The following MAP2K1 variants were observed in gnomAD, a reference collection of about 807,000 sequenced individuals.
MAP2K1 encodes the protein dual specificity mitogen-activated protein kinase kinase 1.
MAP2K1 carries 16 observed loss-of-function variants against 46.3 expected under a neutral mutation model. The ratio of observed to expected loss-of-function variants is 0.35; its 90% confidence interval spans 0.23 to 0.52. The LOEUF (loss-of-function observed/expected upper bound fraction) is 0.52. Ranked by LOEUF, MAP2K1 falls within the 20% of genes least tolerant of loss-of-function variation. The probability of loss-of-function intolerance (pLI) is 0.94; values close to 1 mark genes in which losing one functional copy is unlikely to be tolerated. For missense variants in MAP2K1, 263 were observed against 497.1 expected (o/e 0.53, Z 4.48); for synonymous variants, 183 against 185.6 (o/e 0.99, Z 0.11).
intron 5 of MAP2K1, chr15:66,453,403 C>T (rs904828528): frequency 1.5e-6 from 1 of 689,490 alleles, no homozygotes; most frequent in African/African-American, 1.8e-5. Flanking sequence ...AGAAGGACTT[C>T]TGTGTGGGCT....
chr15:66,391,057 C>CT lies in MAP2K1; in HGVS notation c.80+3646dup, dbSNP rs34264456. On this transcript the variant is annotated intron_variant, in intron 1 of 10. Coordinates refer to ENST00000307102, the MANE Select transcript of MAP2K1 (RefSeq NM_002755.4). ...CTTTGTCATGTCACCTGAGCTGCTG[C>CT]TTTTTTTTTTTTTTTTGGTATGGGG... Among the ~76,000 whole-genome samples, 76 of 135,566 alleles carry CT rather than the reference C, an allele frequency of 5.6e-4. 1 individual carries two copies. The highest frequency in any genetic ancestry group is 1.5e-3 in the South Asian group (6 of 4,136). 88.9% of individuals were successfully genotyped at this position (135,566 alleles called of 152,430 possible).
chr15:66,489,568 G>A, intron 9 of MAP2K1, 150 bp from the exon 10 acceptor site: 1 of 770,942 alleles, frequency 1.3e-6, no homozygotes, highest in Non-Finnish European at 2.4e-6. Flanking sequence ...AACTTACTGT[G>A]GGCATGATAC....
At chr15:66,407,174 T>C (rs2093399623) in intron 1 of MAP2K1, among the ~76,000 whole-genome samples, 1 of 152,014 alleles carries the variant, frequency 6.6e-6, no homozygotes, top group African/African-American at 2.4e-5. Context: ...GGAATAGGCT[T>C]CTGAGAGTTT....
intron 5 of MAP2K1, among the ~76,000 whole-genome samples, chr15:66,469,006 T>C (rs1463530430): frequency 7.6e-6 from 1 of 131,210 alleles, no homozygotes; most frequent in Middle Eastern, 5.2e-3. Context: ...GCCTGTAACC[T>C]CAGCACTTTG....
At chr15:66,489,591 A>C in intron 9 of MAP2K1, 127 bp from the exon 10 acceptor site, 1 of 815,040 alleles carries the variant, frequency 1.2e-6, no homozygotes, top group Non-Finnish European at 2.2e-6. Context: ...TGCTTAGAAC[A>C]GGAGGATGAA....
Position 66,424,111 on chromosome 15 carries a change from G to T in MAP2K1, c.81-10916G>T, listed in dbSNP as rs116339995. 3.7e-3 allele frequency among the ~76,000 whole-genome samples: 550 copies of T among 150,654 alleles called. 2 individuals are homozygous for T. Among genetic ancestry groups the T allele is most frequent in the African/African-American group, 0.013 (526 of 41,030 alleles). ...TTTCTTTTGTTGCCCATGCTGGAGT[G>T]CAATGGTACTGTCTTGGCTCACTGC... On this transcript the variant is annotated intron_variant, in intron 1 of 10. Coordinates refer to ENST00000307102, the MANE Select transcript of MAP2K1 (RefSeq NM_002755.4).
At position 66,392,554 on chromosome 15, in the gene MAP2K1, C is replaced by CTT. The variant is rs71287024; in HGVS notation, c.80+5142_80+5143dup. Among the ~76,000 whole-genome samples, 357 of 129,036 alleles carry CTT rather than the reference C, an allele frequency of 2.8e-3. 3 individuals are homozygous for CTT. Among genetic ancestry groups the CTT allele is most frequent in the Non-Finnish European group, 2.9e-3 (176 of 60,372 alleles). The allele number at this position is 129,036 out of a possible 152,430, so 84.7% of individuals were successfully genotyped here. The stretch of plus-strand genomic sequence containing the variant: ...TTTCTTCTTTGTTTTCTTTTCTTTT[C>CTT]TTTTTTTTTTTTTTTTGAGATGGAG... On this transcript the variant is annotated intron_variant, in intron 1 of 10. Transcript: ENST00000307102.
intron 3 of MAP2K1, among the ~76,000 whole-genome samples, chr15:66,442,079 C>CA (rs2093505558): frequency 6.6e-6 from 1 of 152,196 alleles, no homozygotes; most frequent in African/African-American, 2.4e-5. Flanking sequence ...ACCATACTTG[C>CA]ATCCTCTCTT....
At chr15:66,449,003 CAAAAAAAA>C (rs59398424) in intron 5 of MAP2K1, among the ~76,000 whole-genome samples, 2 of 47,950 alleles carry the variant, frequency 4.2e-5, no homozygotes, top group Non-Finnish European at 3.6e-5. Flanking sequence ...GACACTGTCT[CAAAAAAAA>C]AAAAAAAAAA....
rs1461381065 is a variant in MAP2K1, at chr15:66,420,721, A to ATATGTGTG, written c.81-14305_81-14304insATGTGTGT. Among the ~76,000 whole-genome samples, 8 of 29,702 alleles carry ATATGTGTG rather than the reference A, an allele frequency of 2.7e-4. 1 individual carries two copies. The highest frequency in any genetic ancestry group is 9.4e-4 in the African/African-American group (8 of 8,480). The allele number at this position is 29,702 out of a possible 152,430, so 19.5% of individuals were successfully genotyped here. A position where few individuals can be genotyped will look rare whatever the true frequency, so the allele number is the denominator to read the frequency against. On this transcript the variant is annotated intron_variant, in intron 1 of 10. Transcript: ENST00000307102. Reference sequence around the variant, plus strand: ...TTACTCTTGGCATATATATATATATATGTGTGTGTGTGTGTGTGTGTGTGT... The same window carrying ATATGTGTG: ...TTACTCTTGGCATATATATATATATATATGTGTGTGTGTGTGTGTGTGTGTGTGTGTGT...
chr15:66,441,167 C>T (rs558604924), intron 3 of MAP2K1, among the ~76,000 whole-genome samples: 62 of 152,180 alleles, frequency 4.1e-4, no homozygotes, highest in South Asian at 2.7e-3. Flanking sequence ...CTCACTACTA[C>T]GTGGCCCAGG....
chr15:66,470,339 G>A (rs1323095617), intron 5 of MAP2K1, among the ~76,000 whole-genome samples: 1 of 152,100 alleles, frequency 6.6e-6, no homozygotes, highest in Admixed American at 6.5e-5. Flanking sequence ...AATCATAACT[G>A]TAGCCAAGAC....
intron 5 of MAP2K1, among the ~76,000 whole-genome samples, chr15:66,462,160 C>T (rs924290902): frequency 1.1e-4 from 16 of 152,112 alleles, no homozygotes; most frequent in African/African-American, 3.6e-4. Flanking sequence ...TGCCTTAAGA[C>T]ATTCCACTCC....
rs530692835 is a variant in MAP2K1 at position 66,488,958 on chromosome 15, G to A, written c.961-257G>A. 7.7e-5 allele frequency: 44 copies of A among 569,040 alleles called. 1 individual carries two copies. In the Admixed American group the frequency reaches 1.0e-3, roughly 13 times the overall value. 35.2% of individuals were successfully genotyped at this position (569,040 alleles called of 1,614,324 possible). ...AATAGTGATTAGTTCAAAATCACCCGACAAGTGAGTGGACTTGACTTGGTC... is the reference window on the plus strand; with the variant it reads ...AATAGTGATTAGTTCAAAATCACCCAACAAGTGAGTGGACTTGACTTGGTC... On this transcript the variant is annotated intron_variant, in intron 8 of 10. Coordinates refer to ENST00000307102, the MANE Select transcript of MAP2K1 (RefSeq NM_002755.4).
At chr15:66,489,297 C>G in intron 9 of MAP2K1, 21 bp downstream of exon 9, 1 of 1,607,300 alleles carries the variant, frequency 6.2e-7, no homozygotes, top group Non-Finnish European at 8.5e-7. Context: ...TCCTTGTTCT[C>G]TGGAAGCGTA....
In MAP2K1 at chr15:66,491,435, C is replaced by T. The variant is rs1274826373; in HGVS notation, c.*820C>T. The T allele has an allele frequency of 1.3e-5, 3 of 226,392 alleles. No individual in the cohort carries two copies. The highest frequency in any genetic ancestry group is 1.8e-4 in the South Asian group (1 of 5,540). The allele number at this position is 226,392 out of a possible 1,614,324, so 14.0% of individuals were successfully genotyped here. ...GCTGTTGTAAACAACGTGTATAGTG[C>T]CTAAAATTGTATGAAAATCCTTTTA... On this transcript the variant is annotated 3_prime_UTR_variant, in exon 11 of 11. Transcript: ENST00000307102.
intron 5 of MAP2K1, among the ~76,000 whole-genome samples, chr15:66,470,488 A>G (rs1892606706): frequency 6.6e-6 from 1 of 152,212 alleles, no homozygotes; most frequent in Non-Finnish European, 1.5e-5. Context: ...CTTGCCTTCC[A>G]TTGTCACGGA....
intron 1 of MAP2K1, among the ~76,000 whole-genome samples, chr15:66,431,397 A>G (rs778631829): frequency 4.6e-5 from 7 of 152,164 alleles, no homozygotes; most frequent in Non-Finnish European, 1.0e-4. Flanking sequence ...ACTGAAAGCC[A>G]CTACAGGATC....
rs552268563 is a variant in MAP2K1 at position 66,491,145 on chromosome 15, T to C, written c.*530T>C. 4.5e-5 allele frequency: 13 copies of C among 290,624 alleles called. No homozygotes were observed. In the South Asian group the frequency reaches 9.1e-4, roughly 20 times the overall value. 18.0% of individuals were successfully genotyped at this position (290,624 alleles called of 1,614,324 possible). A position where few individuals can be genotyped will look rare whatever the true frequency, so the allele number is the denominator to read the frequency against. ...TTTTATTATTATTATTTGCTTTTCA[T>C]GTAGAACTCAGCAGTTGACATCCAA... On this transcript the variant is annotated 3_prime_UTR_variant, in exon 11 of 11. Transcript: ENST00000307102.
Sources: gnomAD v4.1 joint callset for allele counts (sites outside exome capture counted in the v4.1 genomes callset) on GRCh38, gnomAD v4.1.1 for gene constraint, MANE v1.5 for transcripts, NCBI Gene and HGNC (gene_info 2026-07-23, HGNC 2026-07-21) for gene names.